KCNH6: variants seen among roughly 807,000 people sequenced by gnomAD.
The protein encoded by KCNH6 is voltage-gated inwardly rectifying potassium channel KCNH6.
A neutral mutation model predicts 83.4 loss-of-function variants in KCNH6; 81 were observed. That is an observed-to-expected ratio of 0.97 (90% CI 0.81 to 1.17). The LOEUF (loss-of-function observed/expected upper bound fraction) is 1.17, where lower values mean the gene tolerates loss of function less well. Ranked by LOEUF, KCNH6 falls within the 50% of genes most tolerant of loss-of-function variation. The probability of loss-of-function intolerance (pLI) is 0.00; values close to 1 mark genes in which losing one functional copy is unlikely to be tolerated. For missense variants in KCNH6, 1,203 were observed against 1,290.5 expected (o/e 0.93, Z 1.04); for synonymous variants, 503 against 545.6 (o/e 0.92, Z 1.09).
chr17:63,545,481 G>A lies in KCNH6; in HGVS notation c.2584-128G>A, dbSNP rs2033100970. On this transcript the variant is annotated intron_variant, in intron 12 of 12. Transcript: ENST00000314672. ...TGTGACTCCAGAGCCTGCAGCTGGGGCCAGGGCAGCAGGACCCTGAGGTGT... is the reference window on the plus strand; with the variant it reads ...TGTGACTCCAGAGCCTGCAGCTGGGACCAGGGCAGCAGGACCCTGAGGTGT... 5.6e-6 allele frequency: 6 copies of A among 1,064,500 alleles called. No individual in the cohort carries two copies. The South Asian group carries it at 7.9e-5, about 14-fold the overall frequency. The allele number at this position is 1,064,500 out of a possible 1,614,324, so 65.9% of individuals were successfully genotyped here.
At position 63,534,580 on chromosome 17, in the gene KCNH6, G is replaced by T. The variant is rs1845939672; in HGVS notation, c.1101+269G>T. Among the ~76,000 whole-genome samples the T allele has an allele frequency of 6.6e-6, 1 of 151,894 alleles. No individual in the cohort carries two copies. Among genetic ancestry groups the T allele is most frequent in the African/African-American group, 2.4e-5 (1 of 41,326 alleles). ...GAGCAGGCTGCCCCTTCCAGGATGG[G>T]CACTCGTGTGGTCCCGGCCCCTCAT... is the stretch of plus-strand genomic sequence containing the variant. On this transcript the variant is annotated intron_variant, in intron 5 of 12. Coordinates refer to ENST00000314672, the MANE Select transcript of KCNH6 (RefSeq NM_001278919.2). This position sits in a 1 kb window ranked among gnomAD's most constrained non-coding sequence, Gnocchi z 5.0.
Position 63,534,292 on chromosome 17 carries a change from T to A in KCNH6, c.1082T>A (p.Phe361Tyr). The change falls in exon 5 of 13, where the codon TTC becomes TAC. Residue 361 changes from phenylalanine to tyrosine, a missense_variant. Coordinates refer to ENST00000314672, the MANE Select transcript of KCNH6 (RefSeq NM_001278919.2). This position sits in a 1 kb window ranked among gnomAD's most constrained non-coding sequence, Gnocchi z 5.0. ...VAAIPFDLLI[F>Y]RTGSDETTTL... ...GCCATCCCTTTCGACCTCCTGATCT[T>A]CCGCACTGGCTCCGATGAGGTGAGC... 1 of 1,613,366 alleles carries A rather than the reference T, an allele frequency of 6.2e-7. No individual in the cohort carries two copies. The highest frequency in any genetic ancestry group is 8.5e-7 in the Non-Finnish European group (1 of 1,179,542).
At chr17:63,525,365 A>G (rs551694692) in intron 2 of KCNH6, among the ~76,000 whole-genome samples, 1 of 152,300 alleles carries the variant, frequency 6.6e-6, no homozygotes, top group East Asian at 1.9e-4. Flanking sequence ...CTTTTGAGTA[A>G]TCCCAAGAGG....
chr17:63,524,061 A>G (rs2031523968), intron 1 of KCNH6, 78 bp from the exon 2 acceptor site: 4 of 996,426 alleles, frequency 4.0e-6, no homozygotes, highest in Non-Finnish European at 4.8e-6. Flanking sequence ...ACTGCCACCA[A>G]GAGTCCTTAT....
rs1308975113 is a variant in KCNH6, at chr17:63,523,648, A to G, written c.76+159A>G. On this transcript the variant is annotated intron_variant, in intron 1 of 12. Transcript: ENST00000314672. This position sits in a 1 kb window ranked among gnomAD's most constrained non-coding sequence, Gnocchi z 4.2. ...TGATGTCCCCAACACCTTCTCCTCC[A>G]GGGGGACCCGCTTGCCTTAAATGCT... is the stretch of plus-strand genomic sequence containing the variant. Among the ~76,000 whole-genome samples, 1 of 152,016 alleles carries G rather than the reference A, an allele frequency of 6.6e-6. No homozygotes were observed. The highest frequency in any genetic ancestry group is 1.5e-5 in the Non-Finnish European group (1 of 67,978).
At chr17:63,528,380 C>T (rs1436181977) in intron 2 of KCNH6, among the ~76,000 whole-genome samples, 1 of 152,148 alleles carries the variant, frequency 6.6e-6, no homozygotes, top group Admixed American at 6.5e-5. Context: ...AGATGGCTGC[C>T]TGGTGCCTGG....
intron 11 of KCNH6, 118 bp downstream of exon 11, chr17:63,544,529 C>G (rs572301743): frequency 1.0e-5 from 8 of 789,080 alleles, no homozygotes; most frequent in Non-Finnish European, 7.3e-6. Context: ...AGCTGCAGGT[C>G]TCCCCATACC....
At position 63,538,100 on chromosome 17, in the gene KCNH6, G is replaced by T; in HGVS notation, c.1537G>T (p.Ala513Ser). The T allele has an allele frequency of 6.2e-7, 1 of 1,613,918 alleles. No individual in the cohort carries two copies. The highest frequency in any genetic ancestry group is 2.2e-5 in the East Asian group (1 of 44,856). The change falls in exon 7 of 13, where the codon GCG (alanine) becomes TCG (serine). Residue 513 changes from alanine to serine, a missense_variant. Ala to Ser is a moderately conservative substitution (Grantham distance 99). Transcript: ENST00000314672. This position sits in a 1 kb window ranked among gnomAD's most constrained non-coding sequence, Gnocchi z 4.0. ...MYASIFGNVS[A>S]IIQRLYSGTA... ...CGCCAGCATCTTCGGGAACGTGTCC[G>T]CGATCATCCAGCGCCTGTACTCGGG...
downstream of KCNH6, among the ~76,000 whole-genome samples, chr17:63,546,941 G>A (rs891505258): frequency 6.6e-6 from 1 of 152,158 alleles, no homozygotes; most frequent in Non-Finnish European, 1.5e-5. Flanking sequence ...GGCCCTAGGG[G>A]ATCATGACAA....
intron 8 of KCNH6, among the ~76,000 whole-genome samples, chr17:63,539,972 T>C (rs1174777875): frequency 6.6e-6 from 1 of 152,184 alleles, no homozygotes; most frequent in Non-Finnish European, 1.5e-5. Context: ...TACTTCATGC[T>C]CCAGCCAAAC....
intron 2 of KCNH6, among the ~76,000 whole-genome samples, chr17:63,524,586 T>C (rs529224280): frequency 1.3e-5 from 2 of 152,242 alleles, no homozygotes; most frequent in Admixed American, 6.5e-5. Context: ...CCACTGGTTC[T>C]GGCCTGGGGC....
At chr17:63,548,004 A>G (rs1005803071), downstream of KCNH6, among the ~76,000 whole-genome samples, 2 of 149,410 alleles carry the variant, frequency 1.3e-5, no homozygotes, top group Non-Finnish European at 3.0e-5. Flanking sequence ...AGTGGCTCAC[A>G]CCTGTAATCC....
In KCNH6 at chr17:63,538,386, T is replaced by G. The variant is rs758354314; in HGVS notation, c.1702-24T>G. ...CAGCCCCACCCCGGCCGCGTCCCGCTGGACTTGGCCGCCCGCCTTGCAGGT... is the reference window on the plus strand; with the variant it reads ...CAGCCCCACCCCGGCCGCGTCCCGCGGGACTTGGCCGCCCGCCTTGCAGGT... On this transcript the variant is annotated intron_variant, in intron 7 of 12. Coordinates refer to ENST00000314672, the MANE Select transcript of KCNH6 (RefSeq NM_001278919.2). This position sits in a 1 kb window ranked among gnomAD's most constrained non-coding sequence, Gnocchi z 4.0. 22 of 1,589,630 alleles carry G rather than the reference T, an allele frequency of 1.4e-5. No individual in the cohort carries two copies. Among genetic ancestry groups the G allele is most frequent in the Non-Finnish European group, 1.9e-5 (22 of 1,169,416 alleles).
chr17:63,543,351 A>G (rs1451203690), intron 9 of KCNH6, among the ~76,000 whole-genome samples: 1 of 150,940 alleles, frequency 6.6e-6, no homozygotes, highest in African/African-American at 2.4e-5. Flanking sequence ...GCCCCCAGCC[A>G]TCAGGTGGCC....
Position 63,544,292 on chromosome 17 carries a change from G to T in KCNH6, c.2277G>T (p.Trp759Cys). ...GCATCTCAGATGCATCTGGCCTCTG[G>T]CCTGAGCTACTGCAGGAAATGCCCC... is the stretch of plus-strand genomic sequence containing the variant. ...PLSISDASGL[W>C]PELLQEMPPR... Residue 759 changes from tryptophan to cysteine, a missense_variant, in exon 11 of 13, where the codon TGG becomes TGT. Trp to Cys is a radical substitution (Grantham distance 215, BLOSUM62 -2). Coordinates refer to ENST00000314672, the MANE Select transcript of KCNH6 (RefSeq NM_001278919.2). The T allele has an allele frequency of 6.2e-7, 1 of 1,609,422 alleles. No individual in the cohort carries two copies. The highest frequency in any genetic ancestry group is 8.5e-7 in the Non-Finnish European group (1 of 1,177,786).
In KCNH6 at chr17:63,545,996, A is replaced by C; in HGVS notation, c.*94A>C. On this transcript the variant is annotated 3_prime_UTR_variant, in exon 13 of 13. Coordinates refer to ENST00000314672, the MANE Select transcript of KCNH6 (RefSeq NM_001278919.2). ...TGGCCGGGTGCAGTGGCTCGCCTGTAATCCCAGCACTTTGGGAGGCCGAGG... is the reference window on the plus strand; with the variant it reads ...TGGCCGGGTGCAGTGGCTCGCCTGTCATCCCAGCACTTTGGGAGGCCGAGG... The C allele has an allele frequency of 8.2e-7, 1 of 1,217,432 alleles. No homozygotes were observed. Among genetic ancestry groups the C allele is most frequent in the Non-Finnish European group, 1.2e-6 (1 of 859,666 alleles). The allele number at this position is 1,217,432 out of a possible 1,614,324, so 75.4% of individuals were successfully genotyped here.
chr17:63,536,192 T>C, intron 6 of KCNH6, 124 bp downstream of exon 6: 1 of 877,962 alleles, frequency 1.1e-6, no homozygotes. Flanking sequence ...ACACTGATCC[T>C]AAGTGTGCAG....
chr17:63,544,474 A>C, intron 11 of KCNH6, 63 bp downstream of exon 11: 1 of 1,393,194 alleles, frequency 7.2e-7, no homozygotes. Context: ...TGGCTCAGAC[A>C]CATCACAGGG....
In KCNH6 at chr17:63,538,083, T is replaced by A; in HGVS notation, c.1520T>A (p.Ile507Asn). 6.2e-7 allele frequency: 1 copy of A among 1,613,736 alleles called. No homozygotes were observed. The highest frequency in any genetic ancestry group is 8.5e-7 in the Non-Finnish European group (1 of 1,179,986). Residue 507 changes from isoleucine to asparagine, a missense_variant, in exon 7 of 13, where the codon ATC (isoleucine) becomes AAC (asparagine). Ile to Asn is a moderately radical substitution (Grantham distance 149). Transcript: ENST00000314672. This position sits in a 1 kb window ranked among gnomAD's most constrained non-coding sequence, Gnocchi z 4.0. ...CCCCCAGCCCTGATGTACGCCAGCA[T>A]CTTCGGGAACGTGTCCGCGATCATC... Reference protein sequence around the residue: ...MLIGSLMYASIFGNVSAIIQR... With the variant: ...MLIGSLMYASNFGNVSAIIQR...
Sources: allele counts gnomAD v4.1 joint callset (sites outside exome capture counted in the v4.1 genomes callset), GRCh38; gene constraint gnomAD v4.1.1; non-coding constraint Gnocchi (gnomAD v3.1); transcripts MANE v1.5; gene names NCBI Gene and HGNC (gene_info 2026-07-23, HGNC 2026-07-21).